The following CDK6 variants were observed in gnomAD, a reference collection of about 807,000 sequenced individuals.
CDK6 encodes the protein cyclin-dependent kinase 6.
In CDK6, 6 loss-of-function variants were observed where a neutral mutation model predicts 37.1. The observed-to-expected ratio is 0.16, with a 90% CI of 0.09 to 0.32. The LOEUF (loss-of-function observed/expected upper bound fraction) is 0.32. Among genes scored for constraint, CDK6 ranks in the 10% least tolerant of loss-of-function variants. The pLI, the probability that CDK6 is intolerant of heterozygous loss-of-function variation, is 1.00. For synonymous variants in CDK6, 160 were observed against 161.3 expected (o/e 0.99, Z 0.06); for missense variants, 224 against 418.9 (o/e 0.53, Z 4.06).
At chr7:92,696,802 G>C (rs1327438509) in intron 4 of CDK6, among the ~76,000 whole-genome samples, 1 of 152,164 alleles carries the variant, frequency 6.6e-6, no homozygotes, top group Non-Finnish European at 1.5e-5. Flanking sequence ...CTAATATTCA[G>C]AGTCTATGAA....
At chr7:92,780,561 C>A (rs751598970) in intron 2 of CDK6, among the ~76,000 whole-genome samples, 1 of 151,834 alleles carries the variant, frequency 6.6e-6, no homozygotes, top group Non-Finnish European at 1.5e-5. Flanking sequence ...GAGATCGAGA[C>A]CAACCTGGCT....
intron 4 of CDK6, among the ~76,000 whole-genome samples, chr7:92,723,795 C>A (rs1189998814): frequency 2.0e-5 from 3 of 151,904 alleles, no homozygotes; most frequent in African/African-American, 4.8e-5. Context: ...TTTATGACTG[C>A]CTTTCTCCTT....
intron 2 of CDK6, among the ~76,000 whole-genome samples, chr7:92,807,793 C>A (rs533041977): frequency 6.6e-6 from 1 of 152,022 alleles, no homozygotes; most frequent in Admixed American, 6.6e-5. Flanking sequence ...AACAGTCAAA[C>A]GGTATAACCA....
intron 2 of CDK6, among the ~76,000 whole-genome samples, chr7:92,786,088 G>A (rs552887890): frequency 3.9e-5 from 6 of 152,306 alleles, no homozygotes; most frequent in Admixed American, 3.9e-4. Flanking sequence ...GATAGAGTGT[G>A]GAACATTCTG....
At chr7:92,789,707 T>A (rs1345270171) in intron 2 of CDK6, among the ~76,000 whole-genome samples, 1 of 152,194 alleles carries the variant, frequency 6.6e-6, no homozygotes, top group Non-Finnish European at 1.5e-5. Flanking sequence ...GCCCCTACAG[T>A]GAGCCTGGGA....
At chr7:92,643,720 T>C (rs1424345235) in intron 5 of CDK6, among the ~76,000 whole-genome samples, 1 of 152,254 alleles carries the variant, frequency 6.6e-6, no homozygotes, top group East Asian at 1.9e-4. Context: ...CCACGATTTT[T>C]AATCCATGTG....
intron 2 of CDK6, among the ~76,000 whole-genome samples, chr7:92,790,242 T>C (rs1261810433): frequency 6.6e-6 from 1 of 152,172 alleles, no homozygotes; most frequent in Non-Finnish European, 1.5e-5. Flanking sequence ...TAATCGTAGA[T>C]TGTTTCATTT....
At chr7:92,702,717 T>C (rs185258941) in intron 4 of CDK6, among the ~76,000 whole-genome samples, 2 of 152,298 alleles carry the variant, frequency 1.3e-5, no homozygotes, top group East Asian at 1.9e-4. Flanking sequence ...CCAGAGACCA[T>C]AGGACATGGT....
intron 5 of CDK6, among the ~76,000 whole-genome samples, chr7:92,659,983 G>A (rs1796800624): frequency 6.6e-6 from 1 of 152,180 alleles, no homozygotes; most frequent in Admixed American, 6.5e-5. Flanking sequence ...ACTATGCATA[G>A]GAAGGGAATC....
intron 2 of CDK6, among the ~76,000 whole-genome samples, chr7:92,785,203 T>C (rs938604532): frequency 1.1e-4 from 17 of 152,098 alleles, no homozygotes; most frequent in Non-Finnish European, 2.2e-4. Context: ...TATTTAGTAA[T>C]AGAAAGAAAT....
chr7:92,616,369 A>G (rs575767765), intron 7 of CDK6, among the ~76,000 whole-genome samples: 26 of 152,196 alleles, frequency 1.7e-4, no homozygotes, highest in South Asian at 6.2e-4. Context: ...TACAAACAGA[A>G]AGTTCTATGT....
intron 2 of CDK6, among the ~76,000 whole-genome samples, chr7:92,796,470 G>A (rs1250101673): frequency 3.3e-5 from 5 of 152,024 alleles, no homozygotes; most frequent in South Asian, 2.1e-4. Context: ...AAGTTGCTAC[G>A]TGCATAAATA....
At chr7:92,672,242 C>CACA (rs1374477819) in intron 4 of CDK6, among the ~76,000 whole-genome samples, 1 of 116,556 alleles carries the variant, frequency 8.6e-6, no homozygotes, top group African/African-American at 4.3e-5. Flanking sequence ...CACACACACA[C>CACA]ATATATGAAG....
At chr7:92,809,663 T>G (rs1223888526) in intron 2 of CDK6, among the ~76,000 whole-genome samples, 4 of 152,228 alleles carry the variant, frequency 2.6e-5, no homozygotes, top group Admixed American at 2.6e-4. Context: ...CAAAGCTACT[T>G]CCTTAGATTG....
At chr7:92,726,740 G>A (rs1798520703) in intron 3 of CDK6, among the ~76,000 whole-genome samples, 1 of 152,190 alleles carries the variant, frequency 6.6e-6, no homozygotes, top group African/African-American at 2.4e-5. Context: ...TATTAACAGA[G>A]TCTTGATTTA....
intron 5 of CDK6, among the ~76,000 whole-genome samples, chr7:92,650,314 A>G (rs1796543708): frequency 6.6e-6 from 1 of 152,236 alleles, no homozygotes; most frequent in African/African-American, 2.4e-5. Context: ...TTTGGCCTTC[A>G]GATTTGGTGC....
intron 5 of CDK6, among the ~76,000 whole-genome samples, chr7:92,646,870 T>C (rs1305932733): frequency 2.0e-5 from 3 of 152,204 alleles, no homozygotes; most frequent in Non-Finnish European, 4.4e-5. Flanking sequence ...ACTTAATATG[T>C]TTATACTGTT....
chr7:92,758,805 T>C (rs1412683934), intron 3 of CDK6, among the ~76,000 whole-genome samples: 2 of 152,206 alleles, frequency 1.3e-5, no homozygotes, highest in African/African-American at 4.8e-5. Flanking sequence ...TCATCTCTGA[T>C]TTCTTTGAGC....
chr7:92,831,059 A>G (rs1562979046), intron 2 of CDK6, among the ~76,000 whole-genome samples: 2 of 152,236 alleles, frequency 1.3e-5, no homozygotes, highest in African/African-American at 4.8e-5. Context: ...TCACGACTTT[A>G]ACAGGTAGGT....
Sources: gnomAD v4.1 joint callset for allele counts (sites outside exome capture counted in the v4.1 genomes callset) on GRCh38, gnomAD v4.1.1 for gene constraint, MANE v1.5 for transcripts, NCBI Gene and HGNC (gene_info 2026-07-23, HGNC 2026-07-21) for gene names.